Variants in PGGHG observed in about 807,000 individuals in gnomAD.
The protein encoded by PGGHG is ATH1, acid trehalase-like 1.
A neutral mutation model predicts 74.5 loss-of-function variants in PGGHG; 67 were observed. That is an observed-to-expected ratio of 0.90 (90% CI 0.74 to 1.10). The LOEUF (loss-of-function observed/expected upper bound fraction) is 1.10, where lower values mean the gene tolerates loss of function less well. Among genes scored for constraint, PGGHG ranks in the 50% least tolerant of loss-of-function variants. The probability of loss-of-function intolerance (pLI) is 0.00; values close to 1 mark genes in which losing one functional copy is unlikely to be tolerated. For missense variants in PGGHG, 1,034 were observed against 981.5 expected (o/e 1.05, Z -0.72); for synonymous variants, 496 against 419.9 (o/e 1.18, Z -2.21).
Position 294,370 on chromosome 11 carries a change from T to G in PGGHG, c.1912T>G (p.Phe638Val). The G allele has an allele frequency of 1.2e-6, 2 of 1,613,028 alleles. No homozygotes were observed. The highest frequency in any genetic ancestry group is 1.7e-6 in the Non-Finnish European group (2 of 1,179,962). The change falls in exon 13 of 14, where the codon TTT becomes GTT. Residue 638 changes from phenylalanine to valine, a missense_variant. Transcript: ENST00000409548. ...CCAGGGGAACAAGCTCAACTTCTCT[T>G]TTTCCGAGGACTCCGTGACCGTGGA... Reference protein sequence around the residue: ...FYQGNKLNFSFSEDSVTVEVT... With the variant: ...FYQGNKLNFSVSEDSVTVEVT...
rs747258335 is a variant in PGGHG at position 291,067 on chromosome 11, A to G, written c.860A>G (p.Asn287Ser). ...CHGLSPGGLSNGSREECYWGH... is the reference protein window; with the variant it reads ...CHGLSPGGLSSGSREECYWGH... ...GGCCTCAGTCCTGGGGGCCTCTCCAATGGGAGCCGTGAGGAATGCTACTGG... is the reference window on the plus strand; with the variant it reads ...GGCCTCAGTCCTGGGGGCCTCTCCAGTGGGAGCCGTGAGGAATGCTACTGG... Residue 287 changes from asparagine to serine, a missense_variant, in exon 4 of 14, where the codon AAT (asparagine) becomes AGT (serine). Coordinates refer to ENST00000409548, the MANE Select transcript of PGGHG (RefSeq NM_025092.5). 26 of 1,606,610 alleles carry G rather than the reference A, an allele frequency of 1.6e-5. No individual in the cohort carries two copies. The highest frequency in any genetic ancestry group is 6.7e-5 in the Admixed American group (4 of 59,508).
chr11:296,069 C>G lies in PGGHG; in HGVS notation c.*1320C>G, dbSNP rs1007547177. The G allele has an allele frequency of 1.3e-5, 2 of 152,318 alleles. No individual in the cohort carries two copies. Among genetic ancestry groups the G allele is most frequent in the African/African-American group, 4.8e-5 (2 of 41,460 alleles). The allele number at this position is 152,318 out of a possible 1,614,324, so 9.4% of individuals were successfully genotyped here. A position where few individuals can be genotyped will look rare whatever the true frequency, so the allele number is the denominator to read the frequency against. On this transcript the variant is annotated 3_prime_UTR_variant, in exon 14 of 14. Coordinates refer to ENST00000409548, the MANE Select transcript of PGGHG (RefSeq NM_025092.5). ...CACACCTGCGGCCGAGACCAGCACT[C>G]AGAGGTCGGCTCCCCTGACAGGAAC... is the stretch of plus-strand genomic sequence containing the variant.
Position 292,932 on chromosome 11 carries a change from C to G in PGGHG, c.1205C>G (p.Ala402Gly), listed in dbSNP as rs771411404. 41 of 1,613,996 alleles carry G rather than the reference C, an allele frequency of 2.5e-5. No individual in the cohort carries two copies. Among genetic ancestry groups the G allele is most frequent in the Non-Finnish European group, 3.4e-5 (40 of 1,180,004 alleles). The change falls in exon 7 of 14, where the codon GCT becomes GGT. Residue 402 changes from alanine (A) to glycine (G), a missense_variant. Physicochemically the swap from Ala to Gly is moderately conservative, Grantham distance 60 (BLOSUM62 0). Transcript: ENST00000409548. Reference sequence around the variant, plus strand: ...GCTGGTGGCTGGGACGTGGTCAGGGCTGTGGCCGAGTTTTGGTGCAGTCGT... The same window carrying G: ...GCTGGTGGCTGGGACGTGGTCAGGGGTGTGGCCGAGTTTTGGTGCAGTCGT... The part of the protein sequence containing the change: ...REAGGWDVVR[A>G]VAEFWCSRVE...
rs1845849828 is a variant in PGGHG at position 295,751 on chromosome 11, T to G, written c.*1002T>G. 1 of 152,272 alleles carries G rather than the reference T, an allele frequency of 6.6e-6. No individual in the cohort carries two copies. Among genetic ancestry groups the G allele is most frequent in the Non-Finnish European group, 1.5e-5 (1 of 68,054 alleles). 9.4% of individuals were successfully genotyped at this position (152,272 alleles called of 1,614,324 possible). A position where few individuals can be genotyped will look rare whatever the true frequency, so the allele number is the denominator to read the frequency against. On this transcript the variant is annotated 3_prime_UTR_variant, in exon 14 of 14. Coordinates refer to ENST00000409548, the MANE Select transcript of PGGHG (RefSeq NM_025092.5). Reference sequence around the variant, plus strand: ...CCCGGGTCCCATTTCTCCTTTCACTTGAGTCGGGAAGCACAGCAACTTTAA... The same window carrying G: ...CCCGGGTCCCATTTCTCCTTTCACTGGAGTCGGGAAGCACAGCAACTTTAA...
At chr11:291,206 G>A (rs1181763252) in intron 4 of PGGHG, 93 bp downstream of exon 4, 2 of 1,416,412 alleles carry the variant, frequency 1.4e-6, no homozygotes, top group Non-Finnish European at 1.9e-6. Context: ...TATGGTTGGG[G>A]AAGCACAGGG....
At position 294,837 on chromosome 11, in the gene PGGHG, C is replaced by A; in HGVS notation, c.*88C>A. 7.2e-7 allele frequency: 1 copy of A among 1,380,588 alleles called. No individual in the cohort carries two copies. Among genetic ancestry groups the A allele is most frequent in the Non-Finnish European group, 9.8e-7 (1 of 1,020,494 alleles). 85.5% of individuals were successfully genotyped at this position (1,380,588 alleles called of 1,614,324 possible). A position where few individuals can be genotyped will look rare whatever the true frequency, so the allele number is the denominator to read the frequency against. On this transcript the variant is annotated 3_prime_UTR_variant, in exon 14 of 14. Transcript: ENST00000409548. ...CCTCCTGGGCACCCTCCTAGCCTGC[C>A]ATCCCTCACCTGCAGCCAGGCTCTC...
At position 294,809 on chromosome 11, in the gene PGGHG, A is replaced by T; in HGVS notation, c.*60A>T. 1 of 1,491,722 alleles carries T rather than the reference A, an allele frequency of 6.7e-7. No individual in the cohort carries two copies. The highest frequency in any genetic ancestry group is 9.0e-7 in the Non-Finnish European group (1 of 1,111,302). The allele number at this position is 1,491,722 out of a possible 1,614,324, so 92.4% of individuals were successfully genotyped here. A position where few individuals can be genotyped will look rare whatever the true frequency, so the allele number is the denominator to read the frequency against. ...CTTCCCTCTGGCCACGTCTGCACCCACCCCTCCTGGGCACCCTCCTAGCCT... is the reference window on the plus strand; with the variant it reads ...CTTCCCTCTGGCCACGTCTGCACCCTCCCCTCCTGGGCACCCTCCTAGCCT... On this transcript the variant is annotated 3_prime_UTR_variant, in exon 14 of 14. Coordinates refer to ENST00000409548, the MANE Select transcript of PGGHG (RefSeq NM_025092.5).
At position 290,952 on chromosome 11, in the gene PGGHG, C is replaced by T; in HGVS notation, c.745C>T (p.Pro249Ser). The T allele has an allele frequency of 1.2e-6, 2 of 1,611,942 alleles. No homozygotes were observed. The highest frequency in any genetic ancestry group is 1.7e-6 in the Non-Finnish European group (2 of 1,179,672). The change falls in exon 4 of 14, where the codon CCC (proline) becomes TCC (serine). Residue 249 changes from proline (P) to serine (S), a missense_variant. Physicochemically the swap from Pro to Ser is moderately conservative, Grantham distance 74 (BLOSUM62 -1). Coordinates refer to ENST00000409548, the MANE Select transcript of PGGHG (RefSeq NM_025092.5). ...WVECGLDVVG[P>S]LQLRQALRGS... ...AGAATGTGGCTTGGACGTGGTGGGGCCCCTGCAGCTGCGCCAGGCCCTGCG... is the reference window on the plus strand; with the variant it reads ...AGAATGTGGCTTGGACGTGGTGGGGTCCCTGCAGCTGCGCCAGGCCCTGCG...
chr11:291,638 C>T (rs1845724204), intron 4 of PGGHG: 1 of 304,498 alleles, frequency 3.3e-6, no homozygotes, highest in Non-Finnish European at 6.2e-6. Context: ...CCTCCCGGTG[C>T]TGCCGCTGTG....
rs777358092 is a variant in PGGHG, at chr11:293,250, C to T, written c.1343+15C>T. On this transcript the variant is annotated intron_variant, in intron 8 of 13. Coordinates refer to ENST00000409548, the MANE Select transcript of PGGHG (RefSeq NM_025092.5). Reference sequence around the variant, plus strand: ...GTCCAGAACAGGTCAGACACAAGATCCCCTCACCTCACCCCACCCCCGCCC... The same window carrying T: ...GTCCAGAACAGGTCAGACACAAGATTCCCTCACCTCACCCCACCCCCGCCC... The T allele has an allele frequency of 5.6e-6, 9 of 1,610,246 alleles. No individual in the cohort carries two copies. In the East Asian group the frequency reaches 8.9e-5, roughly 16 times the overall value.
At chr11:290,318 T>TCC in intron 2 of PGGHG, 72 bp from the exon 3 acceptor site, 1 of 1,458,316 alleles carries the variant, frequency 6.9e-7, no homozygotes, top group African/African-American at 1.4e-5. Context: ...GAGGCAGCGG[T>TCC]CGGGTGGTCC....
Position 292,722 on chromosome 11 carries a change from G to A in PGGHG, c.1158+45G>A. ...CCATTCCTGCAAGTGTGGCCAGGCAGCTGGTGTAGCCCCCACTCCTCGTGG... is the reference window on the plus strand; with the variant it reads ...CCATTCCTGCAAGTGTGGCCAGGCAACTGGTGTAGCCCCCACTCCTCGTGG... On this transcript the variant is annotated intron_variant, in intron 6 of 13. Coordinates refer to ENST00000409548, the MANE Select transcript of PGGHG (RefSeq NM_025092.5). The A allele has an allele frequency of 4.3e-6, 7 of 1,612,610 alleles. No homozygotes were observed. In the South Asian group the frequency reaches 4.4e-5, roughly 10 times the overall value.
intron 4 of PGGHG, chr11:291,643 G>A (rs946628653): frequency 2.9e-5 from 9 of 305,668 alleles, no homozygotes; most frequent in Non-Finnish European, 4.3e-5. Flanking sequence ...CGGTGCTGCC[G>A]CTGTGGCCGT....
chr11:293,979 C>G (rs1845803227), intron 11 of PGGHG, 54 bp downstream of exon 11: 2 of 1,595,538 alleles, frequency 1.3e-6, no homozygotes, highest in Admixed American at 1.7e-5. Context: ...GGAGTGGAGC[C>G]CAGCCTCAGA....
chr11:291,180 TC>T, intron 4 of PGGHG, 67 bp downstream of exon 4: 1 of 1,480,666 alleles, frequency 6.8e-7, no homozygotes, highest in African/African-American at 1.4e-5. Context: ...GTCTCTGCCC[TC>T]CCTGGGACCA....
Position 294,980 on chromosome 11 carries a change from C to T in PGGHG, c.*231C>T. 2 of 505,662 alleles carry T rather than the reference C, an allele frequency of 4.0e-6. No individual in the cohort carries two copies. The highest frequency in any genetic ancestry group is 6.9e-6 in the Non-Finnish European group (2 of 289,588). 31.3% of individuals were successfully genotyped at this position (505,662 alleles called of 1,614,324 possible). A position where few individuals can be genotyped will look rare whatever the true frequency, so the allele number is the denominator to read the frequency against. On this transcript the variant is annotated 3_prime_UTR_variant, in exon 14 of 14. Coordinates refer to ENST00000409548, the MANE Select transcript of PGGHG (RefSeq NM_025092.5). ...GCATCTCCACACCGCCTCTGCCTGC[C>T]CCTGTGGACTGATGCTATCGCGCAC...
At position 290,534 on chromosome 11, in the gene PGGHG, G is replaced by C; in HGVS notation, c.404G>C (p.Arg135Pro). Residue 135 changes from arginine (R) to proline (P), a missense_variant, in exon 3 of 14, where the codon CGG (arginine) becomes CCG (proline). By Grantham distance (103) the Arg-to-Pro change is moderately radical. Transcript: ENST00000409548. ...AGCGGGCCCATCACGCTGCTCCTGCGGTCAGCCTTCTCCCCAGAAAGCCCA... is the reference window on the plus strand; with the variant it reads ...AGCGGGCCCATCACGCTGCTCCTGCCGTCAGCCTTCTCCCCAGAAAGCCCA... Reference protein sequence around the residue: ...PGSGPITLLLRSAFSPESPDL... With the variant: ...PGSGPITLLLPSAFSPESPDL... 6.4e-7 allele frequency: 1 copy of C among 1,550,684 alleles called. No individual in the cohort carries two copies. Among genetic ancestry groups the C allele is most frequent in the Non-Finnish European group, 8.7e-7 (1 of 1,147,028 alleles).
In PGGHG at chr11:295,061, C is replaced by A; in HGVS notation, c.*312C>A. On this transcript the variant is annotated 3_prime_UTR_variant, in exon 14 of 14. Coordinates refer to ENST00000409548, the MANE Select transcript of PGGHG (RefSeq NM_025092.5). ...GCCGGGGTCTGAGCCTGCATCACCT[C>A]TGGCCTCTCATCCCCCACTCTCCTG... 1 of 266,014 alleles carries A rather than the reference C, an allele frequency of 3.8e-6. No individual in the cohort carries two copies. Among genetic ancestry groups the A allele is most frequent in the Non-Finnish European group, 7.1e-6 (1 of 141,022 alleles). The allele number at this position is 266,014 out of a possible 1,614,324, so 16.5% of individuals were successfully genotyped here.
In PGGHG at chr11:294,531, C is replaced by T. The variant is rs376375495; in HGVS notation, c.2021-25C>T. On this transcript the variant is annotated intron_variant, in intron 13 of 13. Coordinates refer to ENST00000409548, the MANE Select transcript of PGGHG (RefSeq NM_025092.5). Reference sequence around the variant, plus strand: ...CCTGCGACCCCAGGCTGCCCCTCACCCCCAGGCTGCCTCTCTCCCTGCAGG... The same window carrying T: ...CCTGCGACCCCAGGCTGCCCCTCACTCCCAGGCTGCCTCTCTCCCTGCAGG... 1.5e-4 allele frequency: 239 copies of T among 1,599,276 alleles called. 2 individuals carry two copies. In the East Asian group the frequency reaches 4.4e-3, roughly 30 times the overall value.
Sources: gnomAD v4.1 joint callset for allele counts on GRCh38, gnomAD v4.1.1 for gene constraint, MANE v1.5 for transcripts, NCBI Gene and HGNC (gene_info 2026-07-23, HGNC 2026-07-21) for gene names.